The following DOCK3 variants were observed in gnomAD, a reference collection of about 807,000 sequenced individuals.
DOCK3 encodes the protein dedicator of cytokinesis protein 3.
A neutral mutation model predicts 265.6 loss-of-function variants in DOCK3; 60 were observed. That is an observed-to-expected ratio of 0.23 (90% CI 0.18 to 0.28). DOCK3 has a LOEUF of 0.28. DOCK3 is among the 10% of genes least tolerant of loss of function. DOCK3 has a pLI of 1.00. For missense variants in DOCK3, 1,981 were observed against 2,594.3 expected (o/e 0.76, Z 5.14); for synonymous variants, 881 against 938.0 (o/e 0.94, Z 1.11).
chr3:50,833,160 C>T (rs1216819436), intron 2 of DOCK3, among the ~76,000 whole-genome samples: 2 of 152,090 alleles, frequency 1.3e-5, no homozygotes, highest in Admixed American at 1.3e-4. Context: ...CATTACTCAT[C>T]CCTCTGTTTC....
chr3:50,766,535 T>G lies in DOCK3; in HGVS notation c.38-12140T>G, dbSNP rs1306176526. On this transcript the variant is annotated intron_variant, in intron 1 of 52. Coordinates refer to ENST00000266037, the MANE Select transcript of DOCK3 (RefSeq NM_004947.5). ...TTCAGTCTATCATTGATGGACATTT[T>G]GGTTGGTTCCAAGTCTTAGCTATTG... 3.3e-5 allele frequency among the ~76,000 whole-genome samples: 5 copies of G among 152,266 alleles called. No individual in the cohort carries two copies. The South Asian group carries it at 6.2e-4, about 19-fold the overall frequency.
chr3:50,942,587 C>T (rs1334375531), intron 5 of DOCK3, among the ~76,000 whole-genome samples: 1 of 151,876 alleles, frequency 6.6e-6, no homozygotes, highest in Admixed American at 6.6e-5. Context: ...ACAGAGTTAA[C>T]ATAAGAGGGT....
intron 14 of DOCK3, among the ~76,000 whole-genome samples, chr3:51,222,002 C>G (rs898434507): frequency 1.3e-5 from 2 of 152,186 alleles, no homozygotes; most frequent in African/African-American, 4.8e-5. Flanking sequence ...TGAAGAACAT[C>G]AGAATCACTT....
intron 3 of DOCK3, chr3:50,877,647 C>T: frequency 2.5e-6 from 1 of 397,416 alleles, no homozygotes; most frequent in South Asian, 1.8e-5. Context: ...CAATGGCAGC[C>T]ACTTTTTCTT....
intron 27 of DOCK3, among the ~76,000 whole-genome samples, chr3:51,284,011 A>G (rs1403024612): frequency 6.6e-6 from 1 of 152,074 alleles, no homozygotes; most frequent in Non-Finnish European, 1.5e-5. Flanking sequence ...CGTGAGTTAA[A>G]GGGACAGGCA....
intron 27 of DOCK3, among the ~76,000 whole-genome samples, chr3:51,293,906 G>A (rs1206173179): frequency 6.6e-6 from 1 of 152,130 alleles, no homozygotes; most frequent in South Asian, 2.1e-4. Flanking sequence ...GAGATATCAC[G>A]TCACATTTGT....
chr3:51,198,375 CAGCAGGG>C (rs1446746709), intron 12 of DOCK3, among the ~76,000 whole-genome samples: 2 of 152,116 alleles, frequency 1.3e-5, no homozygotes, highest in East Asian at 3.9e-4. Context: ...TGACAAAACC[CAGCAGGG>C]AAGAGCAGAC....
chr3:50,953,239 C>T (rs1303997636), intron 5 of DOCK3, among the ~76,000 whole-genome samples: 2 of 152,112 alleles, frequency 1.3e-5, no homozygotes, highest in African/African-American at 4.8e-5. Context: ...AGATTTCTTC[C>T]TATTTAGAAA....
intron 27 of DOCK3, among the ~76,000 whole-genome samples, chr3:51,282,984 A>G (rs752229196): frequency 5.3e-5 from 8 of 152,370 alleles, no homozygotes; most frequent in Non-Finnish European, 8.8e-5. Context: ...AAAGAATTAT[A>G]TAACATGATC....
intron 2 of DOCK3, among the ~76,000 whole-genome samples, chr3:50,811,877 A>C (rs746499510): frequency 3.9e-5 from 6 of 152,374 alleles, no homozygotes; most frequent in Middle Eastern, 3.4e-3. Context: ...CTAGTAAAAA[A>C]GTAGTTAACT....
intron 1 of DOCK3, among the ~76,000 whole-genome samples, chr3:50,778,178 A>AT (rs1258823374): frequency 2.6e-5 from 4 of 151,404 alleles, no homozygotes; most frequent in Non-Finnish European, 4.4e-5. Flanking sequence ...TTATCTATAG[A>AT]TTTTTTCTGT....
chr3:50,885,451 G>T (rs1217350415), intron 3 of DOCK3, among the ~76,000 whole-genome samples: 6 of 151,380 alleles, frequency 4.0e-5, no homozygotes, highest in Admixed American at 2.6e-4. Context: ...CATATGGTAA[G>T]GCTATGTTTA....
intron 2 of DOCK3, 113 bp from the exon 3 acceptor site, chr3:50,841,562 A>C (rs914374813): frequency 6.2e-5 from 22 of 352,564 alleles, no homozygotes; most frequent in African/African-American, 4.5e-4. Flanking sequence ...ATAAAGCCAC[A>C]GTGGGTGTTT....
chr3:51,171,825 A>C (rs1412998558), intron 12 of DOCK3, among the ~76,000 whole-genome samples: 1 of 151,784 alleles, frequency 6.6e-6, no homozygotes, highest in African/African-American at 2.4e-5. Flanking sequence ...GTTGCTCTGT[A>C]TATGTCTGTT....
intron 32 of DOCK3, among the ~76,000 whole-genome samples, chr3:51,322,551 T>C (rs911461544): frequency 6.6e-6 from 1 of 152,150 alleles, no homozygotes; most frequent in Non-Finnish European, 1.5e-5. Flanking sequence ...CCAGCCAAAC[T>C]AAGCTTCATA....
chr3:51,229,899 C>T (rs911023599), intron 19 of DOCK3, among the ~76,000 whole-genome samples: 1 of 152,162 alleles, frequency 6.6e-6, no homozygotes, highest in Non-Finnish European at 1.5e-5. Context: ...ACAACCTTCC[C>T]TCAGCCTCTG....
chr3:50,972,609 G>A (rs2077270204), intron 5 of DOCK3, among the ~76,000 whole-genome samples: 1 of 152,322 alleles, frequency 6.6e-6, no homozygotes, highest in East Asian at 1.9e-4. Flanking sequence ...GGGACACTGG[G>A]AACCCTGAAG....
chr3:51,164,525 G>T (rs529412252), intron 12 of DOCK3, among the ~76,000 whole-genome samples: 2 of 151,288 alleles, frequency 1.3e-5, no homozygotes, highest in Non-Finnish European at 2.9e-5. Context: ...TGGGAAGGCC[G>T]AGGCAGGAGA....
chr3:51,335,432 A>G (rs1010304802), intron 35 of DOCK3, among the ~76,000 whole-genome samples: 4 of 152,064 alleles, frequency 2.6e-5, no homozygotes, highest in African/African-American at 9.7e-5. Flanking sequence ...ACTCACCCCT[A>G]TTAAGGAAGC....
Sources: gnomAD v4.1 joint callset for allele counts (sites outside exome capture counted in the v4.1 genomes callset) on GRCh38, gnomAD v4.1.1 for gene constraint, MANE v1.5 for transcripts, NCBI Gene and HGNC (gene_info 2026-07-23, HGNC 2026-07-21) for gene names.